ZRANB3: variants seen among roughly 807,000 people sequenced by gnomAD.
ZRANB3 encodes zinc finger RANBP2-type containing 3, also known as DNA annealing helicase and endonuclease ZRANB3.
In ZRANB3, 125 loss-of-function variants were observed where a neutral mutation model predicts 133.8. The ratio of observed to expected loss-of-function variants is 0.93; its 90% confidence interval spans 0.81 to 1.08. ZRANB3 has a LOEUF of 1.08. Among genes scored for constraint, ZRANB3 ranks in the 50% least tolerant of loss-of-function variants. The pLI, the probability that ZRANB3 is intolerant of heterozygous loss-of-function variation, is 0.00. For missense variants in ZRANB3, 1,229 were observed against 1,275.5 expected, an observed-to-expected ratio of 0.96 and a Z score of 0.56; for synonymous variants, 387 against 432.7, an observed-to-expected ratio of 0.89 and a Z score of 1.31.
Position 135,265,685 on chromosome 2 carries a change from G to A in ZRANB3, c.1388C>T (p.Ala463Val). 1 of 1,609,412 alleles carries A rather than the reference G, an allele frequency of 6.2e-7. No homozygotes were observed. The highest frequency in any genetic ancestry group is 8.5e-7 in the Non-Finnish European group (1 of 1,178,212). ...GTTCAGTGTGCTCCCTGTAACTTGA[G>A]CCTACAAGAGGAAAAAGTAAATGAA... is the stretch of plus-strand genomic sequence containing the variant. ...TLMWGMLNRKAQVTGSTLNGR... is the reference protein window; with the variant it reads ...TLMWGMLNRKVQVTGSTLNGR... Residue 463 changes from alanine (A) to valine (V), a missense_variant and splice_region_variant, in exon 12 of 21, where the codon GCT becomes GTT. Coordinates refer to ENST00000264159, the MANE Select transcript of ZRANB3 (RefSeq NM_032143.4).
intron 1 of ZRANB3, 58 bp from the exon 2 acceptor site, chr2:135,504,554 A>G: frequency 7.1e-7 from 1 of 1,410,310 alleles, no homozygotes; most frequent in Non-Finnish European, 9.5e-7. Flanking sequence ...ATTACTAAGT[A>G]TGTTACAGAA....
At chr2:135,200,479 A>G (rs1693574222) in intron 20 of ZRANB3, 39 bp from the exon 21 acceptor site, 2 of 1,488,312 alleles carry the variant, frequency 1.3e-6, no homozygotes, top group African/African-American at 2.8e-5. Context: ...ACGTTAGGAA[A>G]AAAGCACCGG....
chr2:135,430,237 G>C (rs1478789359), intron 2 of ZRANB3, among the ~76,000 whole-genome samples: 1 of 151,864 alleles, frequency 6.6e-6, no homozygotes, highest in East Asian at 1.9e-4. Context: ...TAAATGCAAG[G>C]GTCTGGAAAG....
chr2:135,345,613 A>C lies in ZRANB3; in HGVS notation c.614T>G (p.Leu205Arg). 6.2e-7 allele frequency: 1 copy of C among 1,612,204 alleles called. No individual in the cohort carries two copies. Among genetic ancestry groups the C allele is most frequent in the Non-Finnish European group, 8.5e-7 (1 of 1,178,850 alleles). ...CCATCTTCCAAATTTTTGTGGAAAG[A>C]GAGCTTCAATCTGCATAAAAAGCTA... is the stretch of plus-strand genomic sequence containing the variant. ...PEELFMQIEA[L>R]FPQKFGRWTD... Residue 205 changes from leucine (L) to arginine (R), a missense_variant, in exon 6 of 21, where the codon CTC (leucine) becomes CGC (arginine). By Grantham distance (102) the Leu-to-Arg change is moderately radical. Transcript: ENST00000264159.
intron 3 of ZRANB3, among the ~76,000 whole-genome samples, chr2:135,367,839 T>C (rs985447319): frequency 3.9e-5 from 6 of 152,182 alleles, no homozygotes; most frequent in Non-Finnish European, 5.9e-5. Flanking sequence ...TATAACTAAA[T>C]ATATTATTGA....
intron 8 of ZRANB3, 132 bp downstream of exon 8, chr2:135,313,353 CAAAA>C (rs368770114): frequency 5.3e-3 from 1,866 of 352,340 alleles, no homozygotes; most frequent in South Asian, 9.7e-3. Flanking sequence ...GCTCCCAACT[CAAAA>C]AAAAAAAAAA....
chr2:135,526,680 T>G (rs558212410), intron 1 of ZRANB3, among the ~76,000 whole-genome samples: 1 of 152,230 alleles, frequency 6.6e-6, no homozygotes, highest in Non-Finnish European at 1.5e-5. Flanking sequence ...AAGTCTCTTG[T>G]GGTTAAAATC....
chr2:135,451,643 CACACACACACAGAAATT>C (rs1472630402), intron 2 of ZRANB3, among the ~76,000 whole-genome samples: 3 of 151,332 alleles, frequency 2.0e-5, no homozygotes, highest in Admixed American at 6.6e-5. Context: ...AACAAAAAAT[CACACACACACAGAAATT>C]ACCAACCACA....
intron 8 of ZRANB3, among the ~76,000 whole-genome samples, chr2:135,302,968 A>G (rs187449205): frequency 2.2e-3 from 342 of 152,332 alleles, no homozygotes; most frequent in African/African-American, 6.0e-3. Context: ...GAGAGTTATT[A>G]ACTCTAGGAA....
At chr2:135,261,357 G>T (rs1035785133) in intron 12 of ZRANB3, among the ~76,000 whole-genome samples, 1 of 152,082 alleles carries the variant, frequency 6.6e-6, no homozygotes, top group Non-Finnish European at 1.5e-5. Flanking sequence ...AGCTGGGAGG[G>T]TATAGACAGA....
chr2:135,379,274 C>T (rs2104909448), intron 3 of ZRANB3, among the ~76,000 whole-genome samples: 1 of 152,336 alleles, frequency 6.6e-6, no homozygotes, highest in Admixed American at 6.5e-5. Context: ...ATTTAAAGGA[C>T]TACCGTGTAG....
chr2:135,412,722 T>A (rs1292750599), intron 2 of ZRANB3, among the ~76,000 whole-genome samples: 1 of 151,978 alleles, frequency 6.6e-6, no homozygotes, highest in Non-Finnish European at 1.5e-5. Flanking sequence ...ATACCTTTTT[T>A]AAACCATCTA....
chr2:135,375,489 T>C (rs1573996900), intron 3 of ZRANB3, among the ~76,000 whole-genome samples: 4 of 152,122 alleles, frequency 2.6e-5, no homozygotes, highest in Non-Finnish European at 5.9e-5. Context: ...ATTAAGACCA[T>C]CCTGGCTAAC....
intron 6 of ZRANB3, among the ~76,000 whole-genome samples, chr2:135,337,924 T>C (rs1684441332): frequency 6.6e-6 from 1 of 152,174 alleles, no homozygotes. Context: ...TTAAAGTCAA[T>C]ATGAAGAAAC....
Position 135,246,116 on chromosome 2 carries a change from G to A in ZRANB3, c.1540-15189C>T, listed in dbSNP as rs375180703. 1.6e-4 allele frequency among the ~76,000 whole-genome samples: 22 copies of A among 137,032 alleles called. No individual in the cohort carries two copies. The East Asian group carries it at 3.9e-3, about 25-fold the overall frequency. 89.9% of individuals were successfully genotyped at this position (137,032 alleles called of 152,430 possible). On this transcript the variant is annotated intron_variant, in intron 12 of 20. Coordinates refer to ENST00000264159, the MANE Select transcript of ZRANB3 (RefSeq NM_032143.4). ...TGCAATGGTGTGATCTCGGCTCACCGCAACTTCCGCCTCCCAGGTTCAAGC... is the reference window on the plus strand; with the variant it reads ...TGCAATGGTGTGATCTCGGCTCACCACAACTTCCGCCTCCCAGGTTCAAGC...
In ZRANB3 at chr2:135,197,228, A is replaced by C. The variant is rs1299374442; in HGVS notation, c.*3114T>G. 6.6e-6 allele frequency: 1 copy of C among 152,210 alleles called. No individual in the cohort carries two copies. Among genetic ancestry groups the C allele is most frequent in the Non-Finnish European group, 1.5e-5 (1 of 68,024 alleles). 9.4% of individuals were successfully genotyped at this position (152,210 alleles called of 1,614,324 possible). ...ACAGAAAATGAGACATTATTTTTAT[A>C]ATTTATTTTTGATGTTTGATATCCA... On this transcript the variant is annotated 3_prime_UTR_variant, in exon 21 of 21. Transcript: ENST00000264159.
intron 8 of ZRANB3, among the ~76,000 whole-genome samples, chr2:135,304,075 T>C (rs913788631): frequency 6.6e-6 from 1 of 152,216 alleles, no homozygotes; most frequent in Non-Finnish European, 1.5e-5. Context: ...CTTTTTGATA[T>C]GTACACCTTG....
At chr2:135,375,924 T>C (rs976919625) in intron 3 of ZRANB3, among the ~76,000 whole-genome samples, 1 of 152,152 alleles carries the variant, frequency 6.6e-6, no homozygotes, top group African/African-American at 2.4e-5. Flanking sequence ...CCAAAAGATA[T>C]ATTGAAGTTC....
intron 2 of ZRANB3, among the ~76,000 whole-genome samples, chr2:135,409,598 C>G (rs1688210744): frequency 6.6e-6 from 1 of 152,098 alleles, no homozygotes; most frequent in African/African-American, 2.4e-5. Context: ...TGTCTACTTT[C>G]ACCACTCCCA....
Sources: gnomAD v4.1 joint callset for allele counts (sites outside exome capture counted in the v4.1 genomes callset) on GRCh38, gnomAD v4.1.1 for gene constraint, MANE v1.5 for transcripts, NCBI Gene and HGNC (gene_info 2026-07-23, HGNC 2026-07-21) for gene names.